Variants in MIB1 observed in about 807,000 individuals in gnomAD.
MIB1 encodes the protein MIB E3 ubiquitin protein ligase 1, also known as E3 ubiquitin-protein ligase MIB1.
A neutral mutation model predicts 124.5 loss-of-function variants in MIB1; 278 were observed. That is an observed-to-expected ratio of 2.23 (90% CI 2.02 to 2.47). The LOEUF (loss-of-function observed/expected upper bound fraction) is 2.47, where lower values mean the gene tolerates loss of function less well. Among genes scored for constraint, MIB1 ranks in the 30% most tolerant of loss-of-function variants. The pLI, the probability that MIB1 is intolerant of heterozygous loss-of-function variation, is 0.00. For missense variants in MIB1, 957 were observed against 1,254.4 expected, an observed-to-expected ratio of 0.76 and a Z score of 3.58; for synonymous variants, 446 against 429.4, an observed-to-expected ratio of 1.04 and a Z score of -0.48.
upstream of MIB1, among the ~76,000 whole-genome samples, chr18:21,736,726 G>A (rs2040798343): frequency 6.6e-6 from 1 of 152,148 alleles, no homozygotes; most frequent in Non-Finnish European, 1.5e-5. Context: ...GCATACACAA[G>A]TATCAATAGC....
intron 10 of MIB1, among the ~76,000 whole-genome samples, chr18:21,815,106 A>T (rs1456721551): frequency 7.0e-6 from 1 of 142,320 alleles, no homozygotes; most frequent in African/African-American, 2.6e-5. Flanking sequence ...CATATATATA[A>T]AATGATCTAA....
chr18:21,783,298 A>G (rs1427616935), intron 6 of MIB1, among the ~76,000 whole-genome samples: 3 of 150,542 alleles, frequency 2.0e-5, no homozygotes, highest in Admixed American at 6.6e-5. Context: ...GCTGGAGTGC[A>G]GTGGGACGAT....
chr18:21,859,561 T>G (rs542526894), intron 20 of MIB1, among the ~76,000 whole-genome samples: 19 of 152,036 alleles, frequency 1.2e-4, no homozygotes, highest in Non-Finnish European at 2.1e-4. Flanking sequence ...TGTACACTTA[T>G]GAGTCATGAA....
chr18:21,791,542 T>A lies in MIB1; in HGVS notation c.1077T>A (p.Ala359=). 6.2e-7 allele frequency: 1 copy of A among 1,612,632 alleles called. No homozygotes were observed. The highest frequency in any genetic ancestry group is 8.5e-7 in the Non-Finnish European group (1 of 1,178,988). The change falls in exon 7 of 21, where the codon GCT becomes GCA. Residue 359 remains alanine (A), a synonymous_variant. Transcript: ENST00000261537. The part of the protein sequence containing the change: ...KLLQRGHGEW[A]EAMLPTLGKV... ...TACAAAGAGGACATGGAGAATGGGC[T>A]GAAGCGATGCTTCCAGTAAGTATGT... is the stretch of plus-strand genomic sequence containing the variant.
At chr18:21,793,117 A>G (rs2041526248) in intron 7 of MIB1, among the ~76,000 whole-genome samples, 1 of 152,208 alleles carries the variant, frequency 6.6e-6, no homozygotes, top group Non-Finnish European at 1.5e-5. Flanking sequence ...GAGAACAGGA[A>G]AGCTCCAAAA....
Position 21,866,294 on chromosome 18 carries a change from A to G in MIB1, c.*1628A>G, listed in dbSNP as rs2042320762. 6.6e-6 allele frequency: 1 copy of G among 152,214 alleles called. No homozygotes were observed. Among genetic ancestry groups the G allele is most frequent in the South Asian group, 2.1e-4 (1 of 4,830 alleles). 9.4% of individuals were successfully genotyped at this position (152,214 alleles called of 1,614,324 possible). A position where few individuals can be genotyped will look rare whatever the true frequency, so the allele number is the denominator to read the frequency against. ...CTGGTTTTGTAGTCTCAACAATTCC[A>G]TGTCTGTGTTTAGCTGAGTAACTGC... On this transcript the variant is annotated 3_prime_UTR_variant, in exon 21 of 21. Transcript: ENST00000261537.
intron 16 of MIB1, among the ~76,000 whole-genome samples, chr18:21,847,802 T>A (rs1281845967): frequency 6.6e-6 from 1 of 152,238 alleles, no homozygotes; most frequent in Non-Finnish European, 1.5e-5. Flanking sequence ...CTAAAGATGA[T>A]CATTTCACAT....
chr18:21,771,382 T>G (rs1273494398), intron 3 of MIB1, among the ~76,000 whole-genome samples: 1 of 152,256 alleles, frequency 6.6e-6, no homozygotes, highest in Non-Finnish European at 1.5e-5. Context: ...AATGCTTTTT[T>G]ACTCATCCTA....
rs180952123 is a variant in MIB1 at position 21,755,753 on chromosome 18, T to C, written c.230-10019T>C. Among the ~76,000 whole-genome samples, 10 of 152,330 alleles carry C rather than the reference T, an allele frequency of 6.6e-5. No homozygotes were observed. The Middle Eastern group carries it at 0.01, about 155-fold the overall frequency. ...TTCATTTTTGGCTTTGGAATACTTA[T>C]TTATTTATATATTTATTACTTTTTT... is the stretch of plus-strand genomic sequence containing the variant. On this transcript the variant is annotated intron_variant, in intron 1 of 20. Transcript: ENST00000261537.
intron 10 of MIB1, among the ~76,000 whole-genome samples, chr18:21,811,267 TA>T (rs2041770512): frequency 6.6e-6 from 1 of 152,128 alleles, no homozygotes; most frequent in African/African-American, 2.4e-5. Flanking sequence ...GCACTGTTCA[TA>T]GGAATATAAA....
chr18:21,805,131 G>A (rs2041689769), intron 10 of MIB1, among the ~76,000 whole-genome samples: 1 of 152,018 alleles, frequency 6.6e-6, no homozygotes, highest in South Asian at 2.1e-4. Flanking sequence ...TCATGCCTCA[G>A]CCTCCCCAGT....
intron 6 of MIB1, among the ~76,000 whole-genome samples, chr18:21,780,062 A>G (rs573890850): frequency 1.3e-5 from 2 of 152,276 alleles, no homozygotes; most frequent in African/African-American, 2.4e-5. Flanking sequence ...AGGGTTTTAC[A>G]TTAAAACTCC....
chr18:21,714,437 A>G (rs1289720524), intron 1 of MIB1, among the ~76,000 whole-genome samples: 1 of 152,126 alleles, frequency 6.6e-6, no homozygotes, highest in Non-Finnish European at 1.5e-5. Flanking sequence ...ATAATTTCTG[A>G]AAGACCCACT....
In MIB1 at chr18:21,865,918, A is replaced by AAAAAACAAACAAC. The variant is rs1169040725; in HGVS notation, c.*1253_*1254insAAAACAAACAACA. ...ACCTGTAGACTTTAAAAACAAACAA[A>AAAAAACAAACAAC]ATTTTTGGAGCATTTAATCATTTTT... On this transcript the variant is annotated 3_prime_UTR_variant, in exon 21 of 21. Coordinates refer to ENST00000261537, the MANE Select transcript of MIB1 (RefSeq NM_020774.4). The AAAAAACAAACAAC allele has an allele frequency of 4.0e-5, 6 of 151,610 alleles. No homozygotes were observed. Among genetic ancestry groups the AAAAAACAAACAAC allele is most frequent in the African/African-American group, 1.5e-4 (6 of 41,318 alleles). The allele number at this position is 151,610 out of a possible 1,614,324, so 9.4% of individuals were successfully genotyped here.
At chr18:21,821,610 T>G (rs2041879201) in intron 12 of MIB1, among the ~76,000 whole-genome samples, 1 of 151,000 alleles carries the variant, frequency 6.6e-6, no homozygotes, top group Non-Finnish European at 1.5e-5. Flanking sequence ...TTTGTTTTTT[T>G]TTTTTTGAGG....
Position 21,804,034 on chromosome 18 carries a change from AT to A in MIB1, c.1479+24del, listed in dbSNP as rs1568208892. ...GCAGAGGTAAGTAAACTTGAAAAAT[AT>A]TTTAAGTAAACATTTATTTCCTAGA... is the stretch of plus-strand genomic sequence containing the variant. On this transcript the variant is annotated intron_variant, in intron 10 of 20. Coordinates refer to ENST00000261537, the MANE Select transcript of MIB1 (RefSeq NM_020774.4). 6.7e-7 allele frequency: 1 copy of A among 1,500,966 alleles called. No individual in the cohort carries two copies. Among genetic ancestry groups the A allele is most frequent in the African/African-American group, 1.4e-5 (1 of 72,426 alleles). The allele number at this position is 1,500,966 out of a possible 1,614,324, so 93.0% of individuals were successfully genotyped here.
At chr18:21,733,861 G>A (rs902550414) in intron 1 of MIB1, among the ~76,000 whole-genome samples, 10 of 151,586 alleles carry the variant, frequency 6.6e-5, no homozygotes, top group Admixed American at 2.6e-4. Flanking sequence ...ATGTGCCATC[G>A]TGTCCAGCTA....
intron 1 of MIB1, among the ~76,000 whole-genome samples, chr18:21,706,023 C>T (rs1313514779): frequency 1.3e-5 from 2 of 152,192 alleles, no homozygotes; most frequent in African/African-American, 4.8e-5. Flanking sequence ...CCTGCACCAG[C>T]CTTCTGCACT....
intron 17 of MIB1, among the ~76,000 whole-genome samples, chr18:21,852,323 G>C (rs1474778867): frequency 6.6e-6 from 1 of 152,164 alleles, no homozygotes; most frequent in Non-Finnish European, 1.5e-5. Flanking sequence ...GAGCACACGT[G>C]CATGTATTTG....
Sources: allele counts gnomAD v4.1 joint callset (sites outside exome capture counted in the v4.1 genomes callset), GRCh38; gene constraint gnomAD v4.1.1; transcripts MANE v1.5; gene names NCBI Gene and HGNC (gene_info 2026-07-23, HGNC 2026-07-21).